Variants in SAA4 observed in about 807,000 individuals in gnomAD.
SAA4 encodes the protein serum amyloid A4, constitutive.
SAA4 carries 8 observed loss-of-function variants against 11.2 expected under a neutral mutation model. The ratio of observed to expected loss-of-function variants is 0.71; its 90% CI spans 0.42 to 1.29. The LOEUF (loss-of-function observed/expected upper bound fraction) is 1.29. SAA4 is among the 50% of genes most tolerant of loss of function. The pLI, the probability that SAA4 is intolerant of heterozygous loss-of-function variation, is 0.01. For synonymous variants in SAA4, 60 were observed against 56.2 expected, an observed-to-expected ratio of 1.07 and a Z score of -0.30; for missense variants, 171 against 164.2, an observed-to-expected ratio of 1.04 and a Z score of -0.23.
chr11:18,233,684 T>TTA (rs1222382193), intron 2 of SAA4, among the ~76,000 whole-genome samples: 15 of 151,446 alleles, frequency 9.9e-5, no homozygotes, highest in Non-Finnish European at 1.8e-4. Flanking sequence ...GCTAATTTTT[T>TTA]TTTTTTTTTT....
At chr11:18,233,342 C>T (rs1234137551) in intron 2 of SAA4, among the ~76,000 whole-genome samples, 1 of 152,098 alleles carries the variant, frequency 6.6e-6, no homozygotes, top group African/African-American at 2.4e-5. Context: ...AAATGCCTAG[C>T]ATATTGGAAT....
At chr11:18,232,693 G>A (rs1004113026) in intron 2 of SAA4, among the ~76,000 whole-genome samples, 160 bp from the exon 3 acceptor site, 2 of 152,230 alleles carry the variant, frequency 1.3e-5, no homozygotes, top group African/African-American at 2.4e-5. Flanking sequence ...GCTTCCCTGA[G>A]TAACTGTAAG....
intron 1 of SAA4, 118 bp from the exon 2 acceptor site, chr11:18,236,048 C>T: frequency 9.7e-7 from 1 of 1,029,218 alleles, no homozygotes. Flanking sequence ...CTTTCTCCTT[C>T]CTTTCTTTCT....
Position 18,232,399 on chromosome 11 carries a change from T to C in SAA4, c.226A>G (p.Ile76Val), listed in dbSNP as rs945734793. The C allele has an allele frequency of 6.2e-7, 1 of 1,614,000 alleles. No individual in the cohort carries two copies. Among genetic ancestry groups the C allele is most frequent in the Admixed American group, 1.7e-5 (1 of 60,000 alleles). The change falls in exon 3 of 4, where the codon ATC becomes GTC. Residue 76 changes from isoleucine to valine, a missense_variant. Ile to Val is a conservative substitution (Grantham distance 29, BLOSUM62 3). Transcript: ENST00000278222. ...GPGGVWAAKL[I>V]SRSRVYLQGL... ...GTCCCCGGGAATCTGTGTTACCTGA[T>C]GAGTTTAGCAGCCCAGACACCCCCA...
chr11:18,234,119 C>T (rs547682845), intron 2 of SAA4, among the ~76,000 whole-genome samples: 1 of 152,146 alleles, frequency 6.6e-6, no homozygotes, highest in Non-Finnish European at 1.5e-5. Context: ...TATTAATACA[C>T]ATGACAAATG....
rs1457769957 is a variant in SAA4, at chr11:18,231,478, C to T, written c.*24G>A. The T allele has an allele frequency of 6.2e-7, 1 of 1,605,126 alleles. No individual in the cohort carries two copies. The highest frequency in any genetic ancestry group is 8.5e-7 in the Non-Finnish European group (1 of 1,176,868). ...AGTGTGTGGCTCACAGCCCAGTTTCCCTGAGAGCAGAGGAGCAGGAAGCTC... is the reference window on the plus strand; with the variant it reads ...AGTGTGTGGCTCACAGCCCAGTTTCTCTGAGAGCAGAGGAGCAGGAAGCTC... On this transcript the variant is annotated 3_prime_UTR_variant, in exon 4 of 4. Transcript: ENST00000278222.
chr11:18,232,645 A>G, intron 2 of SAA4, 112 bp from the exon 3 acceptor site: 1 of 1,464,642 alleles, frequency 6.8e-7, no homozygotes, highest in Non-Finnish European at 9.2e-7. Context: ...TAATCCTTTG[A>G]AATCATACGT....
intron 1 of SAA4, among the ~76,000 whole-genome samples, chr11:18,236,209 T>C (rs1286719957): frequency 6.8e-6 from 1 of 146,152 alleles, no homozygotes; most frequent in Admixed American, 7.1e-5. Context: ...ACGTGCACCA[T>C]CACACTCAGC....
intron 2 of SAA4, among the ~76,000 whole-genome samples, chr11:18,233,707 G>T (rs539408150): frequency 2.0e-5 from 3 of 151,118 alleles, no homozygotes; most frequent in South Asian, 2.1e-4. Context: ...TAGAGATGGG[G>T]TCTCACTTTG....
chr11:18,232,817 G>A (rs931178124), intron 2 of SAA4, among the ~76,000 whole-genome samples: 3 of 152,094 alleles, frequency 2.0e-5, no homozygotes, highest in Non-Finnish European at 2.9e-5. Context: ...ACGCTCATGT[G>A]AGGAATGCTT....
intron 1 of SAA4, among the ~76,000 whole-genome samples, chr11:18,236,493 A>T (rs939254808): frequency 1.3e-5 from 2 of 152,220 alleles, no homozygotes; most frequent in African/African-American, 4.8e-5. Flanking sequence ...TCTAGAAAGA[A>T]TAAGAGGATT....
At chr11:18,235,995 C>T in intron 1 of SAA4, 65 bp from the exon 2 acceptor site, 1 of 1,420,236 alleles carries the variant, frequency 7.0e-7, no homozygotes. Context: ...GTTTTGAGGA[C>T]TGAATTTCTT....
rs1480671770 is a variant in SAA4, at chr11:18,232,320, C to A, written c.230+75G>T. 3.8e-6 allele frequency: 6 copies of A among 1,560,940 alleles called. No individual in the cohort carries two copies. The East Asian group carries it at 1.4e-4, about 36-fold the overall frequency. ...GGAGTATGTGGAGGAGGGGAAAGAG[C>A]CACAGGTTCTCCTGACTCTCAAGAC... On this transcript the variant is annotated intron_variant, in intron 3 of 3. Coordinates refer to ENST00000278222, the MANE Select transcript of SAA4 (RefSeq NM_006512.4).
chr11:18,234,877 G>C (rs1285599300), intron 2 of SAA4, among the ~76,000 whole-genome samples: 1 of 152,136 alleles, frequency 6.6e-6, no homozygotes, highest in Non-Finnish European at 1.5e-5. Context: ...AGTAACCTGG[G>C]GAGTTTTTCA....
At position 18,231,409 on chromosome 11, in the gene SAA4, G is replaced by A. The variant is rs1857131526; in HGVS notation, c.*93C>T. ...TCTAGGTGCCCTATACCAGTTCCTG[G>A]GGACACAAAGCTCAGTGACCCTGTG... On this transcript the variant is annotated 3_prime_UTR_variant, in exon 4 of 4. Coordinates refer to ENST00000278222, the MANE Select transcript of SAA4 (RefSeq NM_006512.4). 2.0e-6 allele frequency: 3 copies of A among 1,530,272 alleles called. No homozygotes were observed. The highest frequency in any genetic ancestry group is 2.8e-5 in the African/African-American group (2 of 71,888). 94.8% of individuals were successfully genotyped at this position (1,530,272 alleles called of 1,614,324 possible). A position where few individuals can be genotyped will look rare whatever the true frequency, so the allele number is the denominator to read the frequency against.
chr11:18,235,655 T>C lies in SAA4; in HGVS notation c.91+181A>G, dbSNP rs143842676. On this transcript the variant is annotated intron_variant, in intron 2 of 3. Transcript: ENST00000278222. ...CCCAAAGCATCTTTAACCTCTCGTC[T>C]GGAAACCCCAAGGGAGGGTGATAAA... is the stretch of plus-strand genomic sequence containing the variant. Among the ~76,000 whole-genome samples the C allele has an allele frequency of 7.9e-3, 1,206 of 152,218 alleles. 8 individuals carry two copies. Among genetic ancestry groups the C allele is most frequent in the Non-Finnish European group, 0.013 (864 of 68,016 alleles).
At chr11:18,235,773 A>C in intron 2 of SAA4, 63 bp downstream of exon 2, 1 of 1,507,568 alleles carries the variant, frequency 6.6e-7, no homozygotes, top group Admixed American at 1.8e-5. Flanking sequence ...ACATCCAGTG[A>C]GTATGTGGCC....
chr11:18,232,034 C>T (rs1031428234), intron 3 of SAA4, among the ~76,000 whole-genome samples: 4 of 151,918 alleles, frequency 2.6e-5, no homozygotes, highest in Non-Finnish European at 4.4e-5. Context: ...GTGCATGCCA[C>T]CACGCCTGGC....
intron 2 of SAA4, among the ~76,000 whole-genome samples, chr11:18,234,812 GT>G (rs1310764180): frequency 1.3e-5 from 2 of 152,142 alleles, no homozygotes; most frequent in African/African-American, 4.8e-5. Context: ...GACAGATTCT[GT>G]CACTGGGTGA....
Sources: allele counts gnomAD v4.1 joint callset (sites outside exome capture counted in the v4.1 genomes callset), GRCh38; gene constraint gnomAD v4.1.1; transcripts MANE v1.5; gene names NCBI Gene and HGNC (gene_info 2026-07-23, HGNC 2026-07-21).